The following SFSWAP variants were observed in gnomAD, a reference collection of about 807,000 sequenced individuals.
SFSWAP encodes splicing factor SWAP.
Under a neutral mutation model 100.7 loss-of-function variants are expected in SFSWAP, and 17 were observed. The ratio of observed to expected loss-of-function variants is 0.17; its 90% CI spans 0.12 to 0.25. The LOEUF (loss-of-function observed/expected upper bound fraction) is 0.25. Ranked by LOEUF, SFSWAP falls within the 10% of genes least tolerant of loss-of-function variation. The pLI, the probability that SFSWAP is intolerant of heterozygous loss-of-function variation, is 1.00. For missense variants in SFSWAP, 1,005 were observed against 1,262.6 expected (o/e 0.80, Z 3.09); for synonymous variants, 504 against 510.1 (o/e 0.99, Z 0.16).
intron 17 of SFSWAP, 133 bp from the exon 18 acceptor site, chr12:131,799,290 C>T (rs774710170): frequency 1.8e-6 from 2 of 1,081,968 alleles, no homozygotes; most frequent in African/African-American, 1.6e-5. Flanking sequence ...CCCTGCACAG[C>T]CAGGCTCCTC....
At chr12:131,769,289 T>C (rs981262789) in intron 13 of SFSWAP, among the ~76,000 whole-genome samples, 38 of 152,194 alleles carry the variant, frequency 2.5e-4, no homozygotes, top group African/African-American at 9.2e-4. Context: ...CATGAAAATA[T>C]GCATGTAGCA....
At chr12:131,756,431 A>G (rs1199270707) in intron 10 of SFSWAP, 42 bp from the exon 11 acceptor site, 9 of 1,586,450 alleles carry the variant, frequency 5.7e-6, no homozygotes, top group Middle Eastern at 1.7e-4. Context: ...AAATTTCTGT[A>G]TAATTTCCTG....
rs1480949444 is a variant in SFSWAP, at chr12:131,714,839, T to C, written c.406T>C (p.Leu136=). The change falls in exon 3 of 18, where the codon TTG becomes CTG. Residue 136 remains leucine (L), a synonymous_variant. Transcript: ENST00000261674. This position sits in a 1 kb window ranked among gnomAD's most constrained non-coding sequence, Gnocchi z 6.0. ...TATTCAAGAGGAAGAATACAAGCGA[T>C]TGAGTGAAGCACTAGCAGAGGATGG... is the stretch of plus-strand genomic sequence containing the variant. ...EARQEEEYKR[L]SEALAEDGSY... 2 of 1,614,066 alleles carry C rather than the reference T, an allele frequency of 1.2e-6. No individual in the cohort carries two copies. Among genetic ancestry groups the C allele is most frequent in the South Asian group, 1.1e-5 (1 of 91,084 alleles).
Position 131,766,214 on chromosome 12 carries a change from G to C in SFSWAP, c.2048G>C (p.Arg683Pro). The change falls in exon 13 of 18, where the codon CGT becomes CCT. Residue 683 changes from arginine to proline, a missense_variant. This residue lies in a region of SFSWAP where 4 missense variants were observed against 24.5 expected (regional missense o/e 0.16). Coordinates refer to ENST00000261674, the MANE Select transcript of SFSWAP (RefSeq NM_004592.4). ...ESKEKQLQAERKRKAALFLQT... is the reference protein window; with the variant it reads ...ESKEKQLQAEPKRKAALFLQT... ...AAAGAGAAACAGCTTCAAGCAGAAC[G>C]TAAAAGGAAAGCGGCGTTATTTTTA... 1 of 1,614,174 alleles carries C rather than the reference G, an allele frequency of 6.2e-7. No individual in the cohort carries two copies. Among genetic ancestry groups the C allele is most frequent in the Non-Finnish European group, 8.5e-7 (1 of 1,180,030 alleles).
At position 131,725,742 on chromosome 12, in the gene SFSWAP, TGAAAGCCAGACTC is replaced by T. The variant is rs1878907420; in HGVS notation, c.832+116_832+128del. The stretch of plus-strand genomic sequence containing the variant: ...ATACACATTCTTACAGATGCATGGT[TGAAAGCCAGACTC>T]GAATTTCTAGAATGTGTCTGAAATC... On this transcript the variant is annotated intron_variant, in intron 5 of 17. Transcript: ENST00000261674. This position sits in a 1 kb window ranked among gnomAD's most constrained non-coding sequence, Gnocchi z 4.3. The T allele has an allele frequency of 1.3e-6, 1 of 773,926 alleles. No homozygotes were observed. Among genetic ancestry groups the T allele is most frequent in the African/African-American group, 1.7e-5 (1 of 57,638 alleles). The allele number at this position is 773,926 out of a possible 1,614,324, so 47.9% of individuals were successfully genotyped here. A position where few individuals can be genotyped will look rare whatever the true frequency, so the allele number is the denominator to read the frequency against.
rs142625664 is a variant in SFSWAP, at chr12:131,745,018, A to T, written c.1082-8105A>T. Among the ~76,000 whole-genome samples the T allele has an allele frequency of 2.4e-3, 365 of 152,338 alleles. 4 individuals carry two copies. Among genetic ancestry groups the T allele is most frequent in the African/African-American group, 8.3e-3 (347 of 41,572 alleles). On this transcript the variant is annotated intron_variant, in intron 7 of 17. Transcript: ENST00000261674. ...CCTCCTACCAGGCTCCTCCCACAACACATGGGAATTGTGCTAGTTACTAAT... is the reference window on the plus strand; with the variant it reads ...CCTCCTACCAGGCTCCTCCCACAACTCATGGGAATTGTGCTAGTTACTAAT...
intron 11 of SFSWAP, among the ~76,000 whole-genome samples, chr12:131,759,456 G>A (rs1312510557): frequency 1.3e-5 from 2 of 152,162 alleles, no homozygotes; most frequent in Non-Finnish European, 2.9e-5. Context: ...TGTAGACCAC[G>A]ATCACTTACA....
At chr12:131,719,691 C>G in intron 4 of SFSWAP, 152 bp downstream of exon 4, 1 of 645,714 alleles carries the variant, frequency 1.5e-6, no homozygotes, top group Non-Finnish European at 2.7e-6. Flanking sequence ...AGATCACACC[C>G]TATTTATTTT....
chr12:131,790,919 A>G (rs1367387911), intron 15 of SFSWAP, among the ~76,000 whole-genome samples: 1 of 152,256 alleles, frequency 6.6e-6, no homozygotes, highest in Non-Finnish European at 1.5e-5. Flanking sequence ...TAGCAGATAT[A>G]AAGTAGGATT....
chr12:131,711,521 G>T lies in SFSWAP; in HGVS notation c.218+74G>T. 1 of 1,271,692 alleles carries T rather than the reference G, an allele frequency of 7.9e-7. No homozygotes were observed. Among genetic ancestry groups the T allele is most frequent in the Non-Finnish European group, 1.1e-6 (1 of 889,270 alleles). The allele number at this position is 1,271,692 out of a possible 1,614,324, so 78.8% of individuals were successfully genotyped here. On this transcript the variant is annotated intron_variant, in intron 1 of 17. Coordinates refer to ENST00000261674, the MANE Select transcript of SFSWAP (RefSeq NM_004592.4). This position sits in a 1 kb window ranked among gnomAD's most constrained non-coding sequence, Gnocchi z 4.9. ...GATCTCGTCTGATGTTGACTTGACTGCAAGGACTGCAGAGAGTTTTCTGGA... is the reference window on the plus strand; with the variant it reads ...GATCTCGTCTGATGTTGACTTGACTTCAAGGACTGCAGAGAGTTTTCTGGA...
At chr12:131,762,282 A>G (rs968008773) in intron 11 of SFSWAP, among the ~76,000 whole-genome samples, 25 of 152,078 alleles carry the variant, frequency 1.6e-4, no homozygotes, top group Admixed American at 1.6e-3. Flanking sequence ...ACGGTGGCTC[A>G]TGCTTGTCAT....
chr12:131,778,868 G>C lies in SFSWAP; in HGVS notation c.2408+538G>C, dbSNP rs761343304. Among the ~76,000 whole-genome samples, 1 of 151,952 alleles carries C rather than the reference G, an allele frequency of 6.6e-6. No homozygotes were observed. The highest frequency in any genetic ancestry group is 1.5e-5 in the Non-Finnish European group (1 of 67,998). On this transcript the variant is annotated intron_variant, in intron 14 of 17. Coordinates refer to ENST00000261674, the MANE Select transcript of SFSWAP (RefSeq NM_004592.4). This position sits in a 1 kb window ranked among gnomAD's most constrained non-coding sequence, Gnocchi z 4.2. The stretch of plus-strand genomic sequence containing the variant: ...ACTACTGCCAGGTTTTTAAAAATTG[G>C]TTTGTTTAAATTCTAATGGTTCCTG...
intron 1 of SFSWAP, 108 bp from the exon 2 acceptor site, chr12:131,713,963 A>T: frequency 1.5e-6 from 1 of 648,142 alleles, no homozygotes; most frequent in East Asian, 3.2e-5. Context: ...TGTTTATTTT[A>T]ATCGGTAAGT....
Position 131,798,909 on chromosome 12 carries a change from C to G in SFSWAP, c.2718-128C>G, listed in dbSNP as rs900706805. Reference sequence around the variant, plus strand: ...TTGTCTGGAAAAAAAAAAAAAGATACTGGAAGCAGATGCAGTGGGCACTTC... The same window carrying G: ...TTGTCTGGAAAAAAAAAAAAAGATAGTGGAAGCAGATGCAGTGGGCACTTC... On this transcript the variant is annotated intron_variant, in intron 16 of 17. Coordinates refer to ENST00000261674, the MANE Select transcript of SFSWAP (RefSeq NM_004592.4). The G allele has an allele frequency of 6.1e-6, 4 of 655,044 alleles. No individual in the cohort carries two copies. In the East Asian group the frequency reaches 1.1e-4, roughly 18 times the overall value. 40.6% of individuals were successfully genotyped at this position (655,044 alleles called of 1,614,324 possible). A position where few individuals can be genotyped will look rare whatever the true frequency, so the allele number is the denominator to read the frequency against.
chr12:131,736,528 C>T (rs796919523), intron 7 of SFSWAP, among the ~76,000 whole-genome samples: 2 of 152,122 alleles, frequency 1.3e-5, no homozygotes, highest in African/African-American at 2.4e-5. Flanking sequence ...AATGCCCATA[C>T]GGTTTTTAAA....
At chr12:131,766,348 G>A in intron 13 of SFSWAP, 40 bp downstream of exon 13, 2 of 1,573,570 alleles carry the variant, frequency 1.3e-6, no homozygotes, top group East Asian at 2.2e-5. Flanking sequence ...GGGGCTGTGT[G>A]ATACATAGAG....
At chr12:131,724,301 T>C (rs779262900) in intron 4 of SFSWAP, among the ~76,000 whole-genome samples, 16 of 152,234 alleles carry the variant, frequency 1.1e-4, no homozygotes, top group Non-Finnish European at 1.9e-4. Context: ...TCATTAATTA[T>C]TGATGTGTTT....
intron 15 of SFSWAP, among the ~76,000 whole-genome samples, chr12:131,787,965 TC>T (rs1298948901): frequency 6.6e-6 from 1 of 152,244 alleles, no homozygotes; most frequent in Admixed American, 6.5e-5. Flanking sequence ...TACATTTTGT[TC>T]CTTAGTAATC....
chr12:131,790,654 G>A (rs1885175631), intron 15 of SFSWAP, among the ~76,000 whole-genome samples: 1 of 152,148 alleles, frequency 6.6e-6, no homozygotes, highest in Non-Finnish European at 1.5e-5. Flanking sequence ...TCAACAAGAT[G>A]TCCCGGTTAT....
Sources: allele counts gnomAD v4.1 joint callset (sites outside exome capture counted in the v4.1 genomes callset), GRCh38; gene constraint gnomAD v4.1.1; regional missense constraint gnomAD v4.1.1; non-coding constraint Gnocchi (gnomAD v3.1); transcripts MANE v1.5; gene names NCBI Gene and HGNC (gene_info 2026-07-23, HGNC 2026-07-21).